The following CROCC2 variants were observed in gnomAD, a reference collection of about 807,000 sequenced individuals.
The protein encoded by CROCC2 is ciliary rootlet coiled-coil, rootletin family member 2.
CROCC2 carries 163 observed loss-of-function variants against 177.6 expected under a neutral mutation model. The observed-to-expected ratio is 0.92, with a 90% CI of 0.81 to 1.05. The LOEUF is 1.05. Among genes scored for constraint, CROCC2 ranks in the 50% least tolerant of loss-of-function variants. CROCC2 has a pLI of 0.00. For synonymous variants in CROCC2, 904 were observed against 787.3 expected (o/e 1.15, Z -2.48); for missense variants, 1,929 against 1,797.8 (o/e 1.07, Z -1.32).
chr2:240,934,505 CT>C, intron 12 of CROCC2, 30 bp downstream of exon 12: 1 of 1,535,458 alleles, frequency 6.5e-7, no homozygotes, highest in Non-Finnish European at 8.8e-7. Context: ...ACCCCGCCCC[CT>C]CTCCTGTCTG....
chr2:240,911,003 C>T (rs573059660), intron 1 of CROCC2, among the ~76,000 whole-genome samples: 151 of 152,006 alleles, frequency 9.9e-4, no homozygotes, highest in Non-Finnish European at 1.7e-3. Context: ...TGATGGCAGG[C>T]GCCTGTAATC....
chr2:240,962,445 C>T (rs147136556), intron 20 of CROCC2, among the ~76,000 whole-genome samples: 1,549 of 152,150 alleles, frequency 0.01, 13 homozygotes, highest in Non-Finnish European at 0.015. Flanking sequence ...CTGCTGAGCT[C>T]GGCGGAAAAT....
rs2059864825 is a variant in CROCC2, at chr2:240,989,738, G to A, written c.4768G>A (p.Ala1590Thr). The A allele has an allele frequency of 1.9e-6, 3 of 1,550,306 alleles. No homozygotes were observed. Among genetic ancestry groups the A allele is most frequent in the African/African-American group, 2.7e-5 (2 of 73,078 alleles). Residue 1590 changes from alanine (A) to threonine (T), a missense_variant, in exon 30 of 32, where the codon GCA (alanine) becomes ACA (threonine). By Grantham distance (58) the Ala-to-Thr change is moderately conservative. This residue lies in a region of CROCC2 where 388 missense variants were observed against 352.7 expected (regional missense o/e 1.10). Transcript: ENST00000690015. ...GCACCAGCGGGACCTGGCCACAGAGGCAGAGCGTCTCCATGGGGCCCGGCC... is the reference window on the plus strand; with the variant it reads ...GCACCAGCGGGACCTGGCCACAGAGACAGAGCGTCTCCATGGGGCCCGGCC... The part of the protein sequence containing the change: ...AQHQRDLATE[A>T]ERLHGARPQA...
In CROCC2 at chr2:240,950,400, G is replaced by T; in HGVS notation, c.2719G>T (p.Glu907Ter). Residue 907 changes from glutamate (E) to a stop codon, truncating the protein, a stop_gained, in exon 18 of 32, where the codon GAG (glutamate) becomes TAG (stop). Coordinates refer to ENST00000690015, the MANE Select transcript of CROCC2 (RefSeq NM_001351305.2). LOFTEE classifies it high-confidence loss of function. ...VARCQLEQEK[E>*]LVTKSAAERE... is the part of the protein sequence containing the mutation. ...CAGATGCCAGCTGGAGCAGGAGAAG[G>T]AGCTGGTGACAAAAAGTGCAGCTGA... is the stretch of plus-strand genomic sequence containing the variant. 1 of 1,550,392 alleles carries T rather than the reference G, an allele frequency of 6.4e-7. No homozygotes were observed. The highest frequency in any genetic ancestry group is 1.2e-5 in the South Asian group (1 of 84,058).
Position 240,946,200 on chromosome 2 carries a change from G to A in CROCC2, c.2310G>A (p.Gln770=). The change falls in exon 15 of 32, where the codon CAG becomes CAA. Residue 770 remains glutamine (Q), a synonymous_variant. Transcript: ENST00000690015. ...AGCGGGCCCAGCTGCTGGCCAAGCA[G>A]GAGGCCTTGGAGAGGCAGGGCCGGC... ...SEERAQLLAK[Q]EALERQGRLA... is the part of the protein sequence containing the mutation. The A allele has an allele frequency of 2.6e-6, 4 of 1,546,174 alleles. No individual in the cohort carries two copies. Among genetic ancestry groups the A allele is most frequent in the Non-Finnish European group, 3.5e-6 (4 of 1,143,304 alleles).
In CROCC2 at chr2:240,934,342, T is replaced by A. The variant is rs752008415; in HGVS notation, c.1658T>A (p.Leu553Gln). 3 of 1,548,554 alleles carry A rather than the reference T, an allele frequency of 1.9e-6. No individual in the cohort carries two copies. In the South Asian group the frequency reaches 3.6e-5, roughly 18 times the overall value. ...CRALETSQGRLQQLEEKVSGL... is the reference protein window; with the variant it reads ...CRALETSQGRQQQLEEKVSGL... ...GTCTGGGGCCTCAGTCAAGGCCGCC[T>A]GCAGCAGCTGGAGGAGAAGGTCTCC... The change falls in exon 12 of 32, where the codon CTG becomes CAG. Residue 553 changes from leucine to glutamine, a missense_variant. Physicochemically the swap from Leu to Gln is moderately radical, Grantham distance 113. Around this residue, in one of 3 missense-constraint regions of CROCC2, gnomAD observed 1,397 missense variants for 1,239.9 expected, o/e 1.13. Transcript: ENST00000690015.
intron 20 of CROCC2, among the ~76,000 whole-genome samples, chr2:240,961,674 T>C (rs2059636749): frequency 1.5e-5 from 2 of 137,232 alleles, no homozygotes; most frequent in East Asian, 2.3e-4. Flanking sequence ...CACACACACG[T>C]AGTGCATGCA....
chr2:240,949,835 G>A lies in CROCC2; in HGVS notation c.2652+133G>A, dbSNP rs2059543135. ...AGGCGCCTGGCCAGGGCTGGGCAAG[G>A]ACCAGCTCACTCTTTATAGTTCACG... On this transcript the variant is annotated intron_variant, in intron 17 of 31. Coordinates refer to ENST00000690015, the MANE Select transcript of CROCC2 (RefSeq NM_001351305.2). This position sits in a 1 kb window ranked among gnomAD's most constrained non-coding sequence, Gnocchi z 4.5. The A allele has an allele frequency of 1.1e-6, 1 of 926,418 alleles. No individual in the cohort carries two copies. Among genetic ancestry groups the A allele is most frequent in the African/African-American group, 1.7e-5 (1 of 59,780 alleles). The allele number at this position is 926,418 out of a possible 1,614,324, so 57.4% of individuals were successfully genotyped here.
chr2:240,966,280 G>A lies in CROCC2; in HGVS notation c.4017G>A (p.Arg1339=), dbSNP rs2059683657. 2 of 485,598 alleles carry A rather than the reference G, an allele frequency of 4.1e-6. No individual in the cohort carries two copies. The highest frequency in any genetic ancestry group is 4.3e-5 in the Admixed American group (1 of 23,372). 30.1% of individuals were successfully genotyped at this position (485,598 alleles called of 1,614,324 possible). A position where few individuals can be genotyped will look rare whatever the true frequency, so the allele number is the denominator to read the frequency against. The change falls in exon 25 of 32, where the codon AGG becomes AGA. Residue 1339 remains arginine, a synonymous_variant. Coordinates refer to ENST00000690015, the MANE Select transcript of CROCC2 (RefSeq NM_001351305.2). ...AACAGGGTACCAGCCCCCCAGCCAG[G>A]CCCCACTCGCCCCTCCGATGGCCCT... is the stretch of plus-strand genomic sequence containing the variant. ...PGQQGTSPPA[R]PHSPLRWPSP... is the part of the protein sequence containing the mutation.
chr2:240,967,401 C>A lies in CROCC2; in HGVS notation c.4203C>A (p.Cys1401Ter). The change falls in exon 26 of 32, where the codon TGC (cysteine) becomes TGA (stop). Residue 1401 changes from cysteine to a stop codon, truncating the protein, a stop_gained. Coordinates refer to ENST00000690015, the MANE Select transcript of CROCC2 (RefSeq NM_001351305.2). LOFTEE classifies it high-confidence loss of function. The stretch of plus-strand genomic sequence containing the variant: ...GCAGCCGGCTGAGCGAGGCAGAGTG[C>A]AGGTGTGCCCGGGCCCAGAGCCGCG... ...TLSSRLSEAE[C>*]RCARAQSRVG... 2 of 911,692 alleles carry A rather than the reference C, an allele frequency of 2.2e-6. No homozygotes were observed. The highest frequency in any genetic ancestry group is 3.5e-6 in the Non-Finnish European group (2 of 563,418). The allele number at this position is 911,692 out of a possible 1,614,324, so 56.5% of individuals were successfully genotyped here.
intron 4 of CROCC2, 28 bp downstream of exon 4, chr2:240,922,673 CT>C (rs1473185426): frequency 9.0e-6 from 5 of 557,706 alleles, no homozygotes; most frequent in South Asian, 2.1e-5. Flanking sequence ...GCAGTCAGGG[CT>C]GCAGGAAGCA....
At chr2:240,961,253 A>G (rs1215169017) in intron 20 of CROCC2, among the ~76,000 whole-genome samples, 3 of 151,708 alleles carry the variant, frequency 2.0e-5, no homozygotes, top group African/African-American at 7.3e-5. Context: ...CATACACATC[A>G]TCCACGCAGT....
chr2:240,929,701 G>A (rs2059415549), intron 5 of CROCC2: 3 of 457,012 alleles, frequency 6.6e-6, no homozygotes, highest in Non-Finnish European at 1.3e-5. Context: ...TCCAGAGTAA[G>A]GAGAAAGACT....
At chr2:240,950,014 C>A (rs1175783420) in intron 17 of CROCC2, among the ~76,000 whole-genome samples, 2 of 152,202 alleles carry the variant, frequency 1.3e-5, no homozygotes, top group Middle Eastern at 3.2e-3. Flanking sequence ...CCCATTAGAG[C>A]CGTCCCACAG....
intron 6 of CROCC2, among the ~76,000 whole-genome samples, chr2:240,930,648 G>A (rs2059422914): frequency 1.3e-5 from 2 of 152,116 alleles, no homozygotes; most frequent in Admixed American, 6.5e-5. Flanking sequence ...CTAGCCCTTA[G>A]GTACGTAGCA....
At chr2:240,992,975 T>C in intron 31 of CROCC2, 91 bp from the exon 32 acceptor site, 2 of 684,374 alleles carry the variant, frequency 2.9e-6, no homozygotes, top group East Asian at 2.8e-5. Context: ...GGCAGGAGAC[T>C]CAGCATCGGT....
intron 14 of CROCC2, among the ~76,000 whole-genome samples, chr2:240,939,654 A>G (rs1293764582): frequency 6.6e-6 from 1 of 152,124 alleles, no homozygotes; most frequent in Non-Finnish European, 1.5e-5. Flanking sequence ...AATGAATTCA[A>G]TTTCTTTAAC....
chr2:240,986,383 G>GC (rs573339914), intron 28 of CROCC2, among the ~76,000 whole-genome samples: 45 of 151,952 alleles, frequency 3.0e-4, no homozygotes, highest in African/African-American at 9.7e-4. Flanking sequence ...TGACCCCAGA[G>GC]CCCCACACCC....
chr2:240,988,965 G>T, intron 29 of CROCC2, 95 bp downstream of exon 29: 1 of 1,256,426 alleles, frequency 8.0e-7, no homozygotes, highest in Non-Finnish European at 1.0e-6. Context: ...GGTGGCTGGT[G>T]TACCTCCATC....
Sources: allele counts gnomAD v4.1 joint callset (sites outside exome capture counted in the v4.1 genomes callset), GRCh38; gene constraint gnomAD v4.1.1; regional missense constraint gnomAD v4.1.1; non-coding constraint Gnocchi (gnomAD v3.1); transcripts MANE v1.5; gene names NCBI Gene and HGNC (gene_info 2026-07-23, HGNC 2026-07-21).